The following TTC29 variants were observed in gnomAD, a reference collection of about 807,000 sequenced individuals.
TTC29 encodes tetratricopeptide repeat domain 29.
A neutral mutation model predicts 58.1 loss-of-function variants in TTC29; 49 were observed. That is an observed-to-expected ratio of 0.84 (90% CI 0.67 to 1.07). The LOEUF (loss-of-function observed/expected upper bound fraction) is 1.07. Among genes scored for constraint, TTC29 ranks in the 50% least tolerant of loss-of-function variants. The pLI, the probability that TTC29 is intolerant of heterozygous loss-of-function variation, is 0.00. For missense variants in TTC29, 582 were observed against 555.6 expected (o/e 1.05, Z -0.48); for synonymous variants, 209 against 196.8 (o/e 1.06, Z -0.52).
chr4:146,821,716 C>T (rs1751843424), intron 9 of TTC29, among the ~76,000 whole-genome samples: 1 of 152,176 alleles, frequency 6.6e-6, no homozygotes, highest in Admixed American at 6.5e-5. Flanking sequence ...AACCTTAAGG[C>T]ATATAGATGT....
chr4:146,917,701 A>G (rs1734332082), intron 4 of TTC29, among the ~76,000 whole-genome samples: 1 of 145,690 alleles, frequency 6.9e-6, no homozygotes, highest in African/African-American at 2.5e-5. Flanking sequence ...TACTTATATT[A>G]AATTATATGA....
At chr4:146,822,733 T>C (rs925216960) in intron 9 of TTC29, among the ~76,000 whole-genome samples, 1 of 152,220 alleles carries the variant, frequency 6.6e-6, no homozygotes, top group African/African-American at 2.4e-5. Context: ...AGTGTATAAG[T>C]GTTCCTATTT....
intron 11 of TTC29, among the ~76,000 whole-genome samples, chr4:146,771,454 T>C (rs1747720219): frequency 6.6e-6 from 1 of 152,010 alleles, no homozygotes; most frequent in African/African-American, 2.4e-5. Flanking sequence ...TGTTTCCTTC[T>C]TTGTGTTCCT....
chr4:146,932,700 A>G (rs1735433747), intron 4 of TTC29, among the ~76,000 whole-genome samples: 1 of 152,184 alleles, frequency 6.6e-6, no homozygotes, highest in Non-Finnish European at 1.5e-5. Context: ...CTGGCAAAAC[A>G]CTAATTTACT....
intron 11 of TTC29, among the ~76,000 whole-genome samples, chr4:146,794,109 A>C (rs1386360474): frequency 6.6e-6 from 1 of 152,164 alleles, no homozygotes; most frequent in African/African-American, 2.4e-5. Flanking sequence ...AATTACTAAA[A>C]AAATACTATA....
intron 6 of TTC29, 75 bp downstream of exon 6, chr4:146,903,469 C>T (rs1733293573): frequency 1.5e-6 from 2 of 1,329,688 alleles, no homozygotes; most frequent in South Asian, 1.6e-5. Flanking sequence ...TTCTCGACCA[C>T]CACGTGTTTT....
chr4:146,774,638 T>C (rs1387066395), intron 11 of TTC29, among the ~76,000 whole-genome samples: 2 of 152,156 alleles, frequency 1.3e-5, no homozygotes, highest in Non-Finnish European at 2.9e-5. Flanking sequence ...TTATGGCCTG[T>C]TGTGCGGTAG....
At chr4:146,903,269 G>T (rs1398427772) in intron 6 of TTC29, among the ~76,000 whole-genome samples, 1 of 152,032 alleles carries the variant, frequency 6.6e-6, no homozygotes. Context: ...GAGGGGTTGG[G>T]GAGAATGCTT....
chr4:146,769,064 A>G (rs2150071713), intron 11 of TTC29, among the ~76,000 whole-genome samples: 1 of 152,142 alleles, frequency 6.6e-6, no homozygotes. Context: ...AAATTAACCT[A>G]TTAACTATGC....
chr4:146,933,506 T>C (rs1418199498), intron 4 of TTC29, among the ~76,000 whole-genome samples: 4 of 152,238 alleles, frequency 2.6e-5, no homozygotes, highest in Non-Finnish European at 5.9e-5. Context: ...GATAATATTA[T>C]ACAGAATTAA....
intron 11 of TTC29, among the ~76,000 whole-genome samples, chr4:146,749,561 A>G (rs1468454445): frequency 6.6e-6 from 1 of 152,130 alleles, no homozygotes; most frequent in East Asian, 1.9e-4. Flanking sequence ...TTATTTATTT[A>G]TTTTTGAATT....
intron 11 of TTC29, among the ~76,000 whole-genome samples, chr4:146,711,987 T>A (rs532954237): frequency 7.4e-4 from 112 of 152,150 alleles, no homozygotes; most frequent in African/African-American, 2.6e-3. Context: ...TCACACTTGA[T>A]AATGAGAAAA....
chr4:146,919,419 TATAAC>T (rs1279793776), intron 4 of TTC29, among the ~76,000 whole-genome samples: 3 of 150,942 alleles, frequency 2.0e-5, no homozygotes, highest in Admixed American at 2.0e-4. Context: ...TGTGTCCTAA[TATAAC>T]AAGAAGAAAC....
At chr4:146,905,280 AAGTC>A (rs2150275794) in intron 5 of TTC29, among the ~76,000 whole-genome samples, 2 of 151,532 alleles carry the variant, frequency 1.3e-5, no homozygotes, top group South Asian at 2.1e-4. Context: ...TTGCTTTTAG[AAGTC>A]AGTAAGTAAA....
At chr4:146,746,977 A>T (rs1429065857) in intron 11 of TTC29, among the ~76,000 whole-genome samples, 1 of 152,176 alleles carries the variant, frequency 6.6e-6, no homozygotes, top group East Asian at 1.9e-4. Flanking sequence ...TAAGGTGGCC[A>T]CACTGAGAAG....
chr4:146,824,025 T>A (rs1194798278), intron 9 of TTC29, among the ~76,000 whole-genome samples: 1 of 152,214 alleles, frequency 6.6e-6, no homozygotes, highest in African/African-American at 2.4e-5. Context: ...ATTTTCTAAA[T>A]ATACAATCAT....
intron 11 of TTC29, among the ~76,000 whole-genome samples, chr4:146,757,413 T>C (rs1235189912): frequency 1.3e-5 from 2 of 152,148 alleles, no homozygotes; most frequent in Non-Finnish European, 2.9e-5. Flanking sequence ...CAGCCGTGGA[T>C]ACCAGTGCCT....
chr4:146,789,843 G>A (rs1315896136), intron 11 of TTC29, among the ~76,000 whole-genome samples: 1 of 151,664 alleles, frequency 6.6e-6, no homozygotes, highest in African/African-American at 2.4e-5. Context: ...CAGCAGCCAA[G>A]GTGATCTTTC....
At chr4:146,849,494 T>A (rs1333182859) in intron 8 of TTC29, among the ~76,000 whole-genome samples, 1 of 152,158 alleles carries the variant, frequency 6.6e-6, no homozygotes, top group African/African-American at 2.4e-5. Context: ...GGGACATTCA[T>A]CGCAGCCCAG....
Sources: allele counts gnomAD v4.1 joint callset (sites outside exome capture counted in the v4.1 genomes callset), GRCh38; gene constraint gnomAD v4.1.1; transcripts MANE v1.5; gene names NCBI Gene and HGNC (gene_info 2026-07-23, HGNC 2026-07-21).